Variants in SGPP2 observed in about 807,000 individuals in gnomAD.
SGPP2 encodes the protein sphingosine 1-phosphate phosphohydrolase 2.
SGPP2 carries 30 observed loss-of-function variants against 33.9 expected under a neutral mutation model. The ratio of observed to expected loss-of-function variants is 0.89; its 90% confidence interval spans 0.66 to 1.20. The LOEUF is 1.20. Among genes scored for constraint, SGPP2 ranks in the 50% most tolerant of loss-of-function variants. The pLI is 0.00. For synonymous variants in SGPP2, 233 were observed against 225.0 expected (o/e 1.04, Z -0.32); for missense variants, 458 against 532.1 (o/e 0.86, Z 1.37).
At chr2:222,435,041 TATATATATACACAC>T (rs1697218336) in intron 1 of SGPP2, among the ~76,000 whole-genome samples, 2 of 146,552 alleles carry the variant, frequency 1.4e-5, no homozygotes, top group African/African-American at 5.0e-5. Flanking sequence ...TATATATGTG[TATATATATACACAC>T]ATATACACAT....
chr2:222,436,696 T>A (rs559595632), intron 1 of SGPP2, among the ~76,000 whole-genome samples: 1 of 152,160 alleles, frequency 6.6e-6, no homozygotes, highest in East Asian at 1.9e-4. Flanking sequence ...CAGATGATAG[T>A]CTTGGCAGAA....
chr2:222,452,986 G>A (rs905508990), intron 1 of SGPP2: 1 of 1,586,878 alleles, frequency 6.3e-7, no homozygotes, highest in East Asian at 2.2e-5. Context: ...AGTACACACA[G>A]CTGGGTGGAA....
chr2:222,491,137 A>G (rs1698190858), intron 2 of SGPP2, among the ~76,000 whole-genome samples: 3 of 146,788 alleles, frequency 2.0e-5, no homozygotes, highest in Non-Finnish European at 4.6e-5. Flanking sequence ...GCACTTCCAA[A>G]TATATATTTT....
chr2:222,487,920 C>A (rs1698136791), intron 2 of SGPP2, among the ~76,000 whole-genome samples: 1 of 152,124 alleles, frequency 6.6e-6, no homozygotes. Flanking sequence ...GGCCTCAATC[C>A]CCTCTACAAC....
intron 1 of SGPP2, among the ~76,000 whole-genome samples, chr2:222,432,652 A>G (rs191984345): frequency 3.6e-4 from 55 of 152,358 alleles, no homozygotes; most frequent in Non-Finnish European, 6.5e-4. Context: ...GGGAGGTTGT[A>G]AAGAAACAGA....
rs775406024 is a variant in SGPP2 at position 222,477,708 on chromosome 2, A to G, written c.378+2982A>G. ...TAATGTGTTTGATCTGCTCATGGCC[A>G]ATTATCTCCCCCACTGAGGGTGGAA... On this transcript the variant is annotated intron_variant, in intron 2 of 4. Transcript: ENST00000321276. The surrounding 1 kb of genome is among the most constrained non-coding windows in gnomAD (Gnocchi z 6.0). Among the ~76,000 whole-genome samples the G allele has an allele frequency of 5.9e-5, 9 of 152,010 alleles. No homozygotes were observed. The highest frequency in any genetic ancestry group is 6.6e-5 in the Admixed American group (1 of 15,256).
chr2:222,554,641 A>G (rs1315755442), intron 4 of SGPP2, among the ~76,000 whole-genome samples: 2 of 152,140 alleles, frequency 1.3e-5, no homozygotes, highest in African/African-American at 4.8e-5. Flanking sequence ...AGTTTCATTA[A>G]CAGAACGTTA....
chr2:222,461,340 A>G (rs1415508105), intron 1 of SGPP2, among the ~76,000 whole-genome samples: 3 of 152,124 alleles, frequency 2.0e-5, no homozygotes, highest in African/African-American at 7.2e-5. Context: ...ATTGGTCCCA[A>G]GGCTGGTGAT....
chr2:222,522,752 C>T (rs1698705894), intron 3 of SGPP2, among the ~76,000 whole-genome samples: 1 of 152,198 alleles, frequency 6.6e-6, no homozygotes, highest in Non-Finnish European at 1.5e-5. Context: ...CATCACCACC[C>T]ACTGTAGTCT....
At chr2:222,481,544 T>C (rs1487658478) in intron 2 of SGPP2, among the ~76,000 whole-genome samples, 1 of 152,210 alleles carries the variant, frequency 6.6e-6, no homozygotes, top group East Asian at 1.9e-4. Context: ...TCATCAATAG[T>C]GACCTAGGAA....
chr2:222,556,402 A>C (rs961461373), intron 4 of SGPP2, among the ~76,000 whole-genome samples: 12 of 151,632 alleles, frequency 7.9e-5, no homozygotes, highest in South Asian at 6.3e-4. Flanking sequence ...GGCGGTCAGG[A>C]CACTCAACTC....
intron 4 of SGPP2, among the ~76,000 whole-genome samples, chr2:222,549,749 T>C (rs188481689): frequency 3.6e-3 from 541 of 152,310 alleles, no homozygotes; most frequent in African/African-American, 0.012. Flanking sequence ...CCTTTTTTTT[T>C]CCAAATAATT....
intron 4 of SGPP2, among the ~76,000 whole-genome samples, chr2:222,530,226 A>G (rs550263728): frequency 2.5e-4 from 38 of 152,332 alleles, no homozygotes; most frequent in African/African-American, 9.1e-4. Flanking sequence ...CAGAATGGTA[A>G]ATGGCCATTG....
chr2:222,500,742 A>G (rs1006924778), intron 2 of SGPP2, among the ~76,000 whole-genome samples: 1 of 152,224 alleles, frequency 6.6e-6, no homozygotes, highest in African/African-American at 2.4e-5. Flanking sequence ...TATGGCTCCC[A>G]TAACTTTGTT....
intron 4 of SGPP2, among the ~76,000 whole-genome samples, chr2:222,538,498 A>C (rs1206897001): frequency 6.6e-6 from 1 of 152,214 alleles, no homozygotes; most frequent in African/African-American, 2.4e-5. Context: ...AGTGTTCTAT[A>C]AAACAGCAGT....
chr2:222,433,101 G>A (rs1446217734), intron 1 of SGPP2, among the ~76,000 whole-genome samples: 6 of 151,692 alleles, frequency 4.0e-5, no homozygotes, highest in Non-Finnish European at 7.4e-5. Context: ...GGGAAGGGGA[G>A]GGGAGGGGAG....
At chr2:222,442,794 T>G (rs1358860376) in intron 1 of SGPP2, among the ~76,000 whole-genome samples, 1 of 152,218 alleles carries the variant, frequency 6.6e-6, no homozygotes, top group Non-Finnish European at 1.5e-5. Context: ...TATAATGGTG[T>G]AACATTGGAA....
chr2:222,538,839 A>G (rs1247275555), intron 4 of SGPP2, among the ~76,000 whole-genome samples: 1 of 152,182 alleles, frequency 6.6e-6, no homozygotes, highest in Non-Finnish European at 1.5e-5. Flanking sequence ...CACCAAGGGG[A>G]TGGTGCTAAA....
intron 1 of SGPP2, among the ~76,000 whole-genome samples, chr2:222,449,176 TG>T (rs1697442750): frequency 6.6e-6 from 1 of 152,212 alleles, no homozygotes; most frequent in Admixed American, 6.5e-5. Context: ...TCTACCCATC[TG>T]GTCGTTGAAA....
Sources: allele counts gnomAD v4.1 joint callset (sites outside exome capture counted in the v4.1 genomes callset), GRCh38; gene constraint gnomAD v4.1.1; non-coding constraint Gnocchi (gnomAD v3.1); transcripts MANE v1.5; gene names NCBI Gene and HGNC (gene_info 2026-07-23, HGNC 2026-07-21).